Variants in PRKD3 observed in about 807,000 individuals in gnomAD.
PRKD3 encodes the protein protein kinase D3, also known as serine/threonine-protein kinase D3.
In PRKD3, 47 loss-of-function variants were observed where a neutral mutation model predicts 99.2. The ratio of observed to expected loss-of-function variants is 0.47; its 90% CI spans 0.38 to 0.60. The LOEUF is 0.60. Ranked by LOEUF, PRKD3 falls within the 20% of genes least tolerant of loss-of-function variation. The probability of loss-of-function intolerance (pLI) is 0.00; values close to 1 mark genes in which losing one functional copy is unlikely to be tolerated. For synonymous variants in PRKD3, 392 were observed against 355.4 expected (o/e 1.10, Z -1.16); for missense variants, 1,019 against 1,088.4 (o/e 0.94, Z 0.90).
chr2:37,277,360 A>G (rs138263844), intron 9 of PRKD3, among the ~76,000 whole-genome samples: 1 of 152,314 alleles, frequency 6.6e-6, no homozygotes, highest in East Asian at 1.9e-4. Flanking sequence ...TAGGCAGTCT[A>G]GCTCCAAAGT....
chr2:37,324,330 G>T, intron 1 of PRKD3: 1 of 573,502 alleles, frequency 1.7e-6, no homozygotes, highest in Non-Finnish European at 2.2e-6. Flanking sequence ...GCCTCCGATG[G>T]GCCGGGCGCG....
At chr2:37,263,474 T>G (rs1273492244) in intron 14 of PRKD3, among the ~76,000 whole-genome samples, 1 of 152,224 alleles carries the variant, frequency 6.6e-6, no homozygotes, top group Non-Finnish European at 1.5e-5. Flanking sequence ...ACGTTCTTAA[T>G]TATTTTTGTC....
intron 14 of PRKD3, among the ~76,000 whole-genome samples, chr2:37,266,742 C>T (rs1381015948): frequency 1.3e-5 from 2 of 152,170 alleles, no homozygotes; most frequent in African/African-American, 2.4e-5. Context: ...CCCGCCTTGG[C>T]CTCCCAAAGT....
Position 37,316,555 on chromosome 2 carries a change from T to G in PRKD3, c.-31A>C, listed in dbSNP as rs1354352554. The G allele has an allele frequency of 1.3e-6, 2 of 1,589,772 alleles. No individual in the cohort carries two copies. The highest frequency in any genetic ancestry group is 2.7e-5 in the African/African-American group (2 of 73,790). ...TTTCTTTAATCTTTTAAAATAGTTG[T>G]CGATTCTTTTTCAATGGTTATGAAG... On this transcript the variant is annotated 5_prime_UTR_variant, in exon 2 of 19. Coordinates refer to ENST00000234179, the MANE Select transcript of PRKD3 (RefSeq NM_005813.6).
At chr2:37,291,777 G>A (rs1010405451) in intron 3 of PRKD3, among the ~76,000 whole-genome samples, 1 of 152,170 alleles carries the variant, frequency 6.6e-6, no homozygotes, top group African/African-American at 2.4e-5. Flanking sequence ...TCAAGAAAAG[G>A]CTCAAAGGTG....
In PRKD3 at chr2:37,276,967, T is replaced by A. The variant is rs530511357; in HGVS notation, c.1296+899A>T. Reference sequence around the variant, plus strand: ...TGATATACCATTAAATTCGCAAAGGTAGGCACACCACTTCAAGTTACATTC... The same window carrying A: ...TGATATACCATTAAATTCGCAAAGGAAGGCACACCACTTCAAGTTACATTC... On this transcript the variant is annotated intron_variant, in intron 9 of 18. Transcript: ENST00000234179. Among the ~76,000 whole-genome samples, 84 of 152,166 alleles carry A rather than the reference T, an allele frequency of 5.5e-4. No individual in the cohort carries two copies. The South Asian group carries it at 0.017, about 31-fold the overall frequency.
intron 2 of PRKD3, among the ~76,000 whole-genome samples, chr2:37,310,362 A>G (rs1438397287): frequency 6.6e-6 from 1 of 152,220 alleles, no homozygotes; most frequent in South Asian, 2.1e-4. Context: ...TTTTAGAAAC[A>G]TATCATTTAA....
Position 37,250,520 on chromosome 2 carries a change from A to T in PRKD3, c.*2657T>A, listed in dbSNP as rs1667400809. 6.6e-6 allele frequency: 1 copy of T among 152,184 alleles called. No homozygotes were observed. The highest frequency in any genetic ancestry group is 1.5e-5 in the Non-Finnish European group (1 of 68,034). 9.4% of individuals were successfully genotyped at this position (152,184 alleles called of 1,614,324 possible). The stretch of plus-strand genomic sequence containing the variant: ...ACTCAAATTTAGTAGAAAATTATAA[A>T]ATGAGCTTTTTTTTATTTTTGGCAG... On this transcript the variant is annotated 3_prime_UTR_variant, in exon 19 of 19. Coordinates refer to ENST00000234179, the MANE Select transcript of PRKD3 (RefSeq NM_005813.6).
chr2:37,308,881 A>C lies in PRKD3; in HGVS notation c.288+7356T>G, dbSNP rs940069799. Among the ~76,000 whole-genome samples the C allele has an allele frequency of 3.3e-5, 5 of 152,108 alleles. No individual in the cohort carries two copies. In the South Asian group the frequency reaches 1.0e-3, roughly 32 times the overall value. On this transcript the variant is annotated intron_variant, in intron 2 of 18. Transcript: ENST00000234179. Reference sequence around the variant, plus strand: ...TTCTCATGACTCCTTTGGCATACCTAAAAGTACCTTGTGCTTATCTATTTA... The same window carrying C: ...TTCTCATGACTCCTTTGGCATACCTCAAAGTACCTTGTGCTTATCTATTTA...
In PRKD3 at chr2:37,324,710, T is replaced by A. The variant is rs976153313; in HGVS notation, c.-685A>T. ...GCAGGCTCGGCCCGTCGTGAGAAAC[T>A]GCGCCCGCCAGCGTCTGAGTACCGG... On this transcript the variant is annotated 5_prime_UTR_variant, in exon 1 of 19. Transcript: ENST00000234179. 14 of 150,498 alleles carry A rather than the reference T, an allele frequency of 9.3e-5. No homozygotes were observed. The highest frequency in any genetic ancestry group is 2.6e-4 in the Admixed American group (4 of 15,180). 9.3% of individuals were successfully genotyped at this position (150,498 alleles called of 1,614,324 possible). A position where few individuals can be genotyped will look rare whatever the true frequency, so the allele number is the denominator to read the frequency against.
chr2:37,315,096 CAGAG>C (rs1322770981), intron 2 of PRKD3, among the ~76,000 whole-genome samples: 2 of 152,070 alleles, frequency 1.3e-5, no homozygotes, highest in African/African-American at 2.4e-5. Flanking sequence ...CATGAATTCC[CAGAG>C]AGAGATGATT....
At chr2:37,294,108 T>C (rs1202170168) in intron 2 of PRKD3, among the ~76,000 whole-genome samples, 3 of 152,184 alleles carry the variant, frequency 2.0e-5, no homozygotes, top group Non-Finnish European at 4.4e-5. Flanking sequence ...CTCAAAACCT[T>C]TTTTTGAGAT....
chr2:37,274,831 A>G, intron 10 of PRKD3, 134 bp from the exon 11 acceptor site: 2 of 873,450 alleles, frequency 2.3e-6, no homozygotes, highest in Admixed American at 2.6e-5. Context: ...TTTAATACAC[A>G]GTTGAGTCTT....
intron 9 of PRKD3, among the ~76,000 whole-genome samples, chr2:37,276,584 A>G (rs1039780374): frequency 6.6e-6 from 1 of 151,994 alleles, no homozygotes; most frequent in Non-Finnish European, 1.5e-5. Flanking sequence ...AATGAGCTGA[A>G]AATATTTTTT....
At chr2:37,283,397 G>A (rs1669944980) in intron 6 of PRKD3, among the ~76,000 whole-genome samples, 1 of 152,004 alleles carries the variant, frequency 6.6e-6, no homozygotes, top group South Asian at 2.1e-4. Context: ...GTAATAACTG[G>A]GTAAAAATAA....
chr2:37,285,272 C>CA (rs1415686139), intron 6 of PRKD3, among the ~76,000 whole-genome samples: 2 of 151,962 alleles, frequency 1.3e-5, no homozygotes, highest in Non-Finnish European at 1.5e-5. Flanking sequence ...AGGTATGAGA[C>CA]AAAAAGATAA....
At chr2:37,287,956 C>T (rs568404386) in intron 5 of PRKD3, among the ~76,000 whole-genome samples, 2 of 152,280 alleles carry the variant, frequency 1.3e-5, no homozygotes, top group South Asian at 4.1e-4. Flanking sequence ...CCTGAAAGCC[C>T]TTCCATGCTA....
intron 14 of PRKD3, 67 bp downstream of exon 14, chr2:37,267,361 AAG>A (rs1203533246): frequency 2.7e-6 from 3 of 1,104,748 alleles, no homozygotes; most frequent in Non-Finnish European, 3.9e-6. Context: ...AAAAAAAAAA[AAG>A]AGAAGCAGTT....
rs1446257406 is a variant in PRKD3, at chr2:37,274,565, C to G, written c.1507G>C (p.Asp503His). The change falls in exon 11 of 19, where the codon GAC (aspartate) becomes CAC (histidine). Residue 503 changes from aspartate (D) to histidine (H), a missense_variant. Transcript: ENST00000234179. ...MVYFVGENNG[D>H]SSHNPVLAAT... is the part of the protein sequence containing the mutation. ...GCAAGAACAGGATTATGAGAGCTGTCCCCATTGTTCTCACCAACGAAGTAT... is the reference window on the plus strand; with the variant it reads ...GCAAGAACAGGATTATGAGAGCTGTGCCCATTGTTCTCACCAACGAAGTAT... The G allele has an allele frequency of 6.2e-7, 1 of 1,614,000 alleles. No individual in the cohort carries two copies. Among genetic ancestry groups the G allele is most frequent in the Non-Finnish European group, 8.5e-7 (1 of 1,179,994 alleles).
Sources: allele counts gnomAD v4.1 joint callset (sites outside exome capture counted in the v4.1 genomes callset), GRCh38; gene constraint gnomAD v4.1.1; transcripts MANE v1.5; gene names NCBI Gene and HGNC (gene_info 2026-07-23, HGNC 2026-07-21).